Variants in ST3GAL1 observed in about 807,000 individuals in gnomAD.
ST3GAL1 encodes CMP-N-acetylneuraminate-beta-galactosamide-alpha-2,3-sialyltransferase 1.
ST3GAL1 carries 16 observed loss-of-function variants against 34.1 expected under a neutral mutation model. That is an observed-to-expected ratio of 0.47 (90% confidence interval 0.32 to 0.71). The LOEUF is 0.71. Ranked by LOEUF, ST3GAL1 falls within the 30% of genes least tolerant of loss-of-function variation. ST3GAL1 has a pLI of 0.04. For synonymous variants in ST3GAL1, 191 were observed against 184.7 expected, an observed-to-expected ratio of 1.03 and a Z score of -0.28; for missense variants, 353 against 447.4, an observed-to-expected ratio of 0.79 and a Z score of 1.90.
chr8:133,524,075 T>C (rs1293961375), intron 2 of ST3GAL1, among the ~76,000 whole-genome samples: 3 of 152,222 alleles, frequency 2.0e-5, no homozygotes, highest in East Asian at 1.9e-4. Flanking sequence ...TGCCATTTCA[T>C]GGTTTTGTTA....
chr8:133,460,105 C>G (rs1012943197), intron 9 of ST3GAL1, among the ~76,000 whole-genome samples, 168 bp from the exon 10 acceptor site: 3 of 152,196 alleles, frequency 2.0e-5, no homozygotes, highest in African/African-American at 4.8e-5. Context: ...CTGGAACTCT[C>G]AGAGTCTTGG....
intron 3 of ST3GAL1, among the ~76,000 whole-genome samples, chr8:133,485,983 T>C (rs1343247511): frequency 2.0e-5 from 3 of 152,164 alleles, no homozygotes; most frequent in Non-Finnish European, 2.9e-5. Context: ...ACACCTACCA[T>C]CACCTTTGTC....
intron 1 of ST3GAL1, among the ~76,000 whole-genome samples, chr8:133,558,020 A>G (rs897550816): frequency 1.3e-5 from 2 of 152,076 alleles, no homozygotes; most frequent in Non-Finnish European, 2.9e-5. Flanking sequence ...TTCACAGCCC[A>G]GACAACTTTC....
At chr8:133,486,460 AGGCC>A (rs746605576) in intron 3 of ST3GAL1, among the ~76,000 whole-genome samples, 31 of 152,144 alleles carry the variant, frequency 2.0e-4, no homozygotes, top group Non-Finnish European at 3.4e-4. Context: ...TGGCCGAGCC[AGGCC>A]TGGACCCACT....
At position 133,456,142 on chromosome 8, in the gene ST3GAL1, C is replaced by A. The variant is rs188294743; in HGVS notation, c.*3622G>T. 3.3e-5 allele frequency: 5 copies of A among 152,288 alleles called. No homozygotes were observed. Among genetic ancestry groups the A allele is most frequent in the East Asian group, 3.9e-4 (2 of 5,186 alleles). 9.4% of individuals were successfully genotyped at this position (152,288 alleles called of 1,614,324 possible). ...GCTGGAGTTTTAAAAGGCATTCATC[C>A]ATTTATGAACTTTCTTCCAGCCCAG... On this transcript the variant is annotated 3_prime_UTR_variant, in exon 10 of 10. Transcript: ENST00000522652.
intron 1 of ST3GAL1, among the ~76,000 whole-genome samples, chr8:133,546,212 G>A (rs1003336405): frequency 6.6e-6 from 1 of 152,204 alleles, no homozygotes; most frequent in African/African-American, 2.4e-5. Context: ...TAATACAGGC[G>A]GCTTGGGCGC....
At chr8:133,489,341 A>G (rs1404415461) in intron 3 of ST3GAL1, among the ~76,000 whole-genome samples, 1 of 152,130 alleles carries the variant, frequency 6.6e-6, no homozygotes, top group Non-Finnish European at 1.5e-5. Context: ...TGAGTGCCCC[A>G]GGAGCTGTGC....
At chr8:133,525,245 G>A (rs1401777515) in intron 2 of ST3GAL1, among the ~76,000 whole-genome samples, 1 of 152,258 alleles carries the variant, frequency 6.6e-6, no homozygotes, top group African/African-American at 2.4e-5. Flanking sequence ...AAGACACATA[G>A]TGGGTAGCTC....
At chr8:133,521,721 A>G (rs1226151030) in intron 2 of ST3GAL1, among the ~76,000 whole-genome samples, 3 of 152,262 alleles carry the variant, frequency 2.0e-5, no homozygotes, top group Admixed American at 6.5e-5. Flanking sequence ...TTCAATCATT[A>G]ATAATGATCA....
chr8:133,531,573 C>T (rs562739940), intron 2 of ST3GAL1, among the ~76,000 whole-genome samples: 1 of 152,074 alleles, frequency 6.6e-6, no homozygotes, highest in Admixed American at 6.6e-5. Flanking sequence ...CCTCCCTGAC[C>T]CCAGGCAGCC....
At chr8:133,548,811 A>G (rs1284476740) in intron 1 of ST3GAL1, among the ~76,000 whole-genome samples, 2 of 152,124 alleles carry the variant, frequency 1.3e-5, no homozygotes, top group African/African-American at 2.4e-5. Flanking sequence ...TGAGGAAGGG[A>G]GCTATATTTT....
intron 2 of ST3GAL1, among the ~76,000 whole-genome samples, chr8:133,543,622 CGAAT>C (rs1563735719): frequency 6.6e-6 from 1 of 151,768 alleles, no homozygotes; most frequent in Non-Finnish European, 1.5e-5. Context: ...AAAATGGAAA[CGAAT>C]GCTCTGGTTT....
intron 2 of ST3GAL1, among the ~76,000 whole-genome samples, chr8:133,531,133 A>G (rs1198406636): frequency 6.6e-6 from 1 of 151,566 alleles, no homozygotes; most frequent in Admixed American, 6.6e-5. Context: ...GCTCTTACAC[A>G]TTCATATTTT....
At chr8:133,557,754 G>A (rs1005916881) in intron 1 of ST3GAL1, among the ~76,000 whole-genome samples, 32 of 152,024 alleles carry the variant, frequency 2.1e-4, no homozygotes, top group Admixed American at 7.2e-4. Context: ...AGGCTGAGGC[G>A]GAAGAATTGC....
intron 3 of ST3GAL1, among the ~76,000 whole-genome samples, chr8:133,485,050 T>C (rs1423815306): frequency 6.6e-6 from 1 of 152,214 alleles, no homozygotes; most frequent in Non-Finnish European, 1.5e-5. Context: ...GTTGCATCAA[T>C]CCTGCCTGCA....
At position 133,464,796 on chromosome 8, in the gene ST3GAL1, G is replaced by T; in HGVS notation, c.665C>A (p.Thr222Asn). The T allele has an allele frequency of 6.2e-7, 1 of 1,613,512 alleles. No homozygotes were observed. Residue 222 changes from threonine to asparagine, a missense_variant, in exon 7 of 10, where the codon ACC (threonine) becomes AAC (asparagine). Transcript: ENST00000522652. ...GACTCACTGGGAAATGGTGCCCGTGGTGATGGCGCTCACCACCCACTCCAA... is the reference window on the plus strand; with the variant it reads ...GACTCACTGGGAAATGGTGCCCGTGTTGATGGCGCTCACCACCCACTCCAA... ...IDLEWVVSAITTGTISHTYIP... is the reference protein window; with the variant it reads ...IDLEWVVSAINTGTISHTYIP...
intron 1 of ST3GAL1, among the ~76,000 whole-genome samples, chr8:133,551,500 GAGACAGAA>G (rs562804435): frequency 0.013 from 1,923 of 147,046 alleles, 30 homozygotes; most frequent in Middle Eastern, 0.041. Context: ...GAGAAAGAAA[GAGACAGAA>G]AGACAGAAAG....
rs557050051 is a variant in ST3GAL1 at position 133,487,219 on chromosome 8, A to G, written c.-373-10619T>C. On this transcript the variant is annotated intron_variant, in intron 3 of 9. Transcript: ENST00000522652. ...CTCCCAAAGTGCTGGGATTACAGGC[A>G]TGAGCTACCACACCGTACAATCATG... 4.6e-5 allele frequency among the ~76,000 whole-genome samples: 7 copies of G among 152,258 alleles called. No homozygotes were observed. In the East Asian group the frequency reaches 7.7e-4, roughly 17 times the overall value.
chr8:133,551,956 T>C (rs552467647), intron 1 of ST3GAL1, among the ~76,000 whole-genome samples: 3 of 152,306 alleles, frequency 2.0e-5, no homozygotes, highest in South Asian at 2.1e-4. Flanking sequence ...CAAGGTCATA[T>C]GACTGATAAA....
Sources: gnomAD v4.1 joint callset for allele counts (sites outside exome capture counted in the v4.1 genomes callset) on GRCh38, gnomAD v4.1.1 for gene constraint, MANE v1.5 for transcripts, NCBI Gene and HGNC (gene_info 2026-07-23, HGNC 2026-07-21) for gene names.